Variants in HOOK3 observed in about 807,000 individuals in gnomAD.
The protein encoded by HOOK3 is hook microtubule tethering protein 3.
A neutral mutation model predicts 116.3 loss-of-function variants in HOOK3; 24 were observed. The ratio of observed to expected loss-of-function variants is 0.21; its 90% CI spans 0.15 to 0.29. The LOEUF (loss-of-function observed/expected upper bound fraction) is 0.29, where lower values mean the gene tolerates loss of function less well. Among genes scored for constraint, HOOK3 ranks in the 10% least tolerant of loss-of-function variants. The probability of loss-of-function intolerance (pLI) is 1.00; values close to 1 mark genes in which losing one functional copy is unlikely to be tolerated. For missense variants in HOOK3, 632 were observed against 830.2 expected (o/e 0.76, Z 2.93); for synonymous variants, 275 against 283.0 (o/e 0.97, Z 0.28).
intron 11 of HOOK3, among the ~76,000 whole-genome samples, chr8:42,968,970 T>C (rs1400678339): frequency 6.6e-6 from 1 of 152,200 alleles, no homozygotes; most frequent in Non-Finnish European, 1.5e-5. Context: ...AAGCACTCTT[T>C]GTAATTTTTT....
chr8:42,972,382 A>G (rs1808741700), intron 11 of HOOK3, among the ~76,000 whole-genome samples: 2 of 152,144 alleles, frequency 1.3e-5, no homozygotes, highest in Non-Finnish European at 2.9e-5. Context: ...ACAGGCTGTC[A>G]TTACAAACTT....
intron 2 of HOOK3, among the ~76,000 whole-genome samples, chr8:42,919,872 A>G (rs904363444): frequency 1.6e-4 from 24 of 152,140 alleles, no homozygotes; most frequent in Admixed American, 2.0e-4. Context: ...GGGAGGTTGC[A>G]GTGAGTCGAG....
At chr8:42,943,558 C>G (rs1808169169) in intron 5 of HOOK3, 113 bp downstream of exon 5, 1 of 644,012 alleles carries the variant, frequency 1.6e-6, no homozygotes, top group Non-Finnish European at 2.2e-6. Context: ...TTAAGGTCAC[C>G]CCCAAAGAAT....
intron 13 of HOOK3, among the ~76,000 whole-genome samples, chr8:42,976,849 A>G (rs1229891024): frequency 6.6e-6 from 1 of 152,174 alleles, no homozygotes; most frequent in Non-Finnish European, 1.5e-5. Flanking sequence ...GTGAGCTGAG[A>G]TCGCGCCACT....
intron 5 of HOOK3, among the ~76,000 whole-genome samples, chr8:42,947,674 C>T (rs1323671880): frequency 6.6e-6 from 1 of 152,178 alleles, no homozygotes; most frequent in Non-Finnish European, 1.5e-5. Context: ...ACATGAGTGT[C>T]TGAGTGGTTA....
At chr8:42,962,865 G>A (rs1204839773) in intron 8 of HOOK3, among the ~76,000 whole-genome samples, 8 of 140,168 alleles carry the variant, frequency 5.7e-5, no homozygotes, top group South Asian at 2.3e-4. Context: ...GCAATGGCAC[G>A]ATCTTAGCTC....
In HOOK3 at chr8:43,029,121, C is replaced by T; in HGVS notation, c.*10623C>T. ...CAAATGCTAATCAGTGATTTGGGGCCTTTTAATGTCTTTAACAGCAATCTT... is the reference window on the plus strand; with the variant it reads ...CAAATGCTAATCAGTGATTTGGGGCTTTTTAATGTCTTTAACAGCAATCTT... On this transcript the variant is annotated 3_prime_UTR_variant, in exon 22 of 22. Coordinates refer to ENST00000307602, the MANE Select transcript of HOOK3 (RefSeq NM_032410.4). 5.6e-6 allele frequency: 1 copy of T among 179,962 alleles called. No individual in the cohort carries two copies. Among genetic ancestry groups the T allele is most frequent in the East Asian group, 9.2e-5 (1 of 10,920 alleles). The allele number at this position is 179,962 out of a possible 1,614,324, so 11.1% of individuals were successfully genotyped here. A position where few individuals can be genotyped will look rare whatever the true frequency, so the allele number is the denominator to read the frequency against.
intron 5 of HOOK3, among the ~76,000 whole-genome samples, chr8:42,946,590 T>C (rs1311245062): frequency 8.6e-5 from 13 of 152,042 alleles, no homozygotes; most frequent in Non-Finnish European, 1.5e-5. Context: ...AAAACAGATT[T>C]CTATTAACTT....
At chr8:42,900,324 GT>G (rs1807159877) in intron 1 of HOOK3, among the ~76,000 whole-genome samples, 1 of 152,128 alleles carries the variant, frequency 6.6e-6, no homozygotes, top group Non-Finnish European at 1.5e-5. Context: ...TTCTTGAACT[GT>G]ATGTGAATCT....
At chr8:43,017,005 CTA>C (rs1491525845) in intron 21 of HOOK3, among the ~76,000 whole-genome samples, 3 of 149,156 alleles carry the variant, frequency 2.0e-5, no homozygotes, top group African/African-American at 7.4e-5. Flanking sequence ...AAGACTCCGT[CTA>C]AAAAAAAAAT....
intron 15 of HOOK3, among the ~76,000 whole-genome samples, chr8:42,995,969 C>T (rs1045116703): frequency 6.6e-6 from 1 of 152,188 alleles, no homozygotes; most frequent in East Asian, 1.9e-4. Context: ...ATCTGTCTGA[C>T]ATACTACCTG....
chr8:42,937,617 T>G (rs920546129), intron 4 of HOOK3, among the ~76,000 whole-genome samples: 4 of 152,166 alleles, frequency 2.6e-5, no homozygotes, highest in African/African-American at 9.6e-5. Flanking sequence ...TTCAGAGAAC[T>G]TACTTATTTC....
At chr8:43,006,931 G>A (rs1368814898) in intron 17 of HOOK3, among the ~76,000 whole-genome samples, 1 of 150,108 alleles carries the variant, frequency 6.7e-6, no homozygotes, top group African/African-American at 2.5e-5. Context: ...TCAAATACCA[G>A]GGGAAAATAT....
chr8:42,992,951 G>T (rs183045392), intron 15 of HOOK3, among the ~76,000 whole-genome samples: 1 of 151,944 alleles, frequency 6.6e-6, no homozygotes, highest in Non-Finnish European at 1.5e-5. Flanking sequence ...TGGGTCTCTC[G>T]TATGTAACTT....
At chr8:43,008,657 A>ATTTTTTT (rs1176623906) in intron 18 of HOOK3, among the ~76,000 whole-genome samples, 38 of 143,876 alleles carry the variant, frequency 2.6e-4, no homozygotes, top group African/African-American at 9.4e-4. Flanking sequence ...TTTTATTTTT[A>ATTTTTTT]TTTTTATTTT....
chr8:42,994,160 C>T (rs998678933), intron 15 of HOOK3, among the ~76,000 whole-genome samples: 21 of 151,934 alleles, frequency 1.4e-4, no homozygotes, highest in Non-Finnish European at 2.4e-4. Flanking sequence ...GGACTATAGG[C>T]GTGCACCACC....
In HOOK3 at chr8:42,943,456, T is replaced by A. The variant is rs1334378273; in HGVS notation, c.400+11T>A. On this transcript the variant is annotated intron_variant, in intron 5 of 21. Transcript: ENST00000307602. ...GTGAACAGAAGCAAGGTAATTTGTT[T>A]CAAGTTAGTGTTTGCATTTAAAATA... 7.0e-7 allele frequency: 1 copy of A among 1,420,766 alleles called. No individual in the cohort carries two copies. The highest frequency in any genetic ancestry group is 2.6e-5 in the Admixed American group (1 of 38,706). The allele number at this position is 1,420,766 out of a possible 1,614,324, so 88.0% of individuals were successfully genotyped here.
chr8:42,970,754 A>G (rs975212949), intron 11 of HOOK3, among the ~76,000 whole-genome samples: 2 of 149,476 alleles, frequency 1.3e-5, no homozygotes, highest in Non-Finnish European at 3.0e-5. Context: ...CAGAAGGGAT[A>G]TAGTAAAGAA....
chr8:43,002,231 C>T (rs1239540294), intron 17 of HOOK3, 90 bp downstream of exon 17: 3 of 912,098 alleles, frequency 3.3e-6, no homozygotes, highest in African/African-American at 1.7e-5. Context: ...GGCGTTGGCA[C>T]AGGTGGCCCT....
Sources: gnomAD v4.1 joint callset for allele counts (sites outside exome capture counted in the v4.1 genomes callset) on GRCh38, gnomAD v4.1.1 for gene constraint, MANE v1.5 for transcripts, NCBI Gene and HGNC (gene_info 2026-07-23, HGNC 2026-07-21) for gene names.